The following DOCK4 variants were observed in gnomAD, a reference collection of about 807,000 sequenced individuals.
DOCK4 encodes the protein dedicator of cytokinesis 4, also known as dedicator of cytokinesis protein 4.
Under a neutral mutation model 268.1 loss-of-function variants are expected in DOCK4, and 97 were observed. The observed-to-expected ratio is 0.36, with a 90% CI of 0.31 to 0.43. The LOEUF (loss-of-function observed/expected upper bound fraction) is 0.43, where lower values mean the gene tolerates loss of function less well. Ranked by LOEUF, DOCK4 falls within the 20% of genes least tolerant of loss-of-function variation. The pLI, the probability that DOCK4 is intolerant of heterozygous loss-of-function variation, is 1.00. For synonymous variants in DOCK4, 954 were observed against 887.2 expected, an observed-to-expected ratio of 1.08 and a Z score of -1.34; for missense variants, 2,145 against 2,455.7, an observed-to-expected ratio of 0.87 and a Z score of 2.67.
intron 1 of DOCK4, among the ~76,000 whole-genome samples, chr7:112,018,178 A>AC (rs1802009908): frequency 3.5e-5 from 5 of 143,372 alleles, no homozygotes; most frequent in South Asian, 2.3e-4. Context: ...AAAAAAAAAA[A>AC]AACACAGGCA....
rs181378926 is a variant in DOCK4 at position 112,177,622 on chromosome 7, C to A, written c.37+28480G>T. On this transcript the variant is annotated intron_variant, in intron 1 of 52. Coordinates refer to ENST00000428084, the MANE Select transcript of DOCK4 (RefSeq NM_001363540.2). ...GAAACTGCCTCAACTGTGATAAGCA[C>A]ATTTTTTGGTTTCTGATAGCTAATC... Among the ~76,000 whole-genome samples, 110 of 152,278 alleles carry A rather than the reference C, an allele frequency of 7.2e-4. 1 individual carries two copies. Among genetic ancestry groups the A allele is most frequent in the Non-Finnish European group, 5.7e-4 (39 of 68,030 alleles).
intron 1 of DOCK4, among the ~76,000 whole-genome samples, chr7:112,201,651 G>C (rs1283071588): frequency 6.6e-6 from 1 of 152,108 alleles, no homozygotes; most frequent in African/African-American, 2.4e-5. Flanking sequence ...TTTAAGGCGG[G>C]GTGGGGAGGG....
At chr7:112,013,724 G>T (rs1404941478) in intron 1 of DOCK4, among the ~76,000 whole-genome samples, 2 of 152,240 alleles carry the variant, frequency 1.3e-5, no homozygotes, top group Non-Finnish European at 2.9e-5. Flanking sequence ...GCTTTTGCAA[G>T]TCACAGGGGT....
chr7:112,194,739 T>C (rs1333342445), intron 1 of DOCK4, among the ~76,000 whole-genome samples: 1 of 152,234 alleles, frequency 6.6e-6, no homozygotes, highest in Non-Finnish European at 1.5e-5. Context: ...ATAAGCCATC[T>C]CCTCAATTAT....
intron 47 of DOCK4, among the ~76,000 whole-genome samples, chr7:111,740,590 G>A (rs961274057): frequency 6.7e-6 from 1 of 150,324 alleles, no homozygotes; most frequent in African/African-American, 2.4e-5. Flanking sequence ...AAAATTAGTC[G>A]GGCGTGGTGG....
At chr7:111,812,169 G>A (rs1801184993) in intron 27 of DOCK4, among the ~76,000 whole-genome samples, 1 of 152,174 alleles carries the variant, frequency 6.6e-6, no homozygotes, top group Non-Finnish European at 1.5e-5. Flanking sequence ...ATACACGAAA[G>A]ATCTATGAAT....
chr7:112,122,563 G>A (rs1442277491), intron 1 of DOCK4, among the ~76,000 whole-genome samples: 3 of 152,030 alleles, frequency 2.0e-5, no homozygotes, highest in Non-Finnish European at 2.9e-5. Context: ...TAGCCACCAC[G>A]CCCAGCCAAG....
chr7:111,750,095 T>C (rs551011086), intron 42 of DOCK4, among the ~76,000 whole-genome samples: 13 of 152,308 alleles, frequency 8.5e-5, no homozygotes, highest in Non-Finnish European at 1.5e-4. Flanking sequence ...TAAGGAGTCA[T>C]TGGAGAAATA....
chr7:111,859,137 G>C (rs997725981), intron 23 of DOCK4, among the ~76,000 whole-genome samples: 1 of 152,110 alleles, frequency 6.6e-6, no homozygotes, highest in Non-Finnish European at 1.5e-5. Context: ...TCCCACCTCA[G>C]CCTGCTGAGT....
intron 1 of DOCK4, among the ~76,000 whole-genome samples, chr7:112,133,712 C>T (rs1814034236): frequency 6.6e-6 from 1 of 151,662 alleles, no homozygotes; most frequent in Non-Finnish European, 1.5e-5. Flanking sequence ...AAAGTGAGAC[C>T]CTGTCTCAAA....
At position 112,130,432 on chromosome 7, in the gene DOCK4, A is replaced by G. The variant is rs1813697096; in HGVS notation, c.37+75670T>C. Among the ~76,000 whole-genome samples, 3 of 152,182 alleles carry G rather than the reference A, an allele frequency of 2.0e-5. No individual in the cohort carries two copies. In the South Asian group the frequency reaches 6.2e-4, roughly 31 times the overall value. ...ACATTATATTTCTCTTCCTCACATG[A>G]ATGTCTTTTGCTAGTTAACATAAAC... is the stretch of plus-strand genomic sequence containing the variant. On this transcript the variant is annotated intron_variant, in intron 1 of 52. Transcript: ENST00000428084.
Position 111,944,793 on chromosome 7 carries a change from G to A in DOCK4, c.844+18C>T, listed in dbSNP as rs547453558. ...CTCTGTTCCTTGCCCCTACTGCACT[G>A]ACAAGTGTTATACCTACCGATTCGG... On this transcript the variant is annotated intron_variant, in intron 10 of 52. Transcript: ENST00000428084. 36 of 1,612,212 alleles carry A rather than the reference G, an allele frequency of 2.2e-5. 1 individual carries two copies. In the African/African-American group the frequency reaches 4.3e-4, roughly 19 times the overall value.
chr7:112,083,096 G>C (rs998361004), intron 1 of DOCK4, among the ~76,000 whole-genome samples: 1 of 151,944 alleles, frequency 6.6e-6, no homozygotes, highest in African/African-American at 2.4e-5. Flanking sequence ...TCTTTTCAGA[G>C]GGTTCACAAC....
chr7:112,099,297 T>TAAAA (rs34373613), intron 1 of DOCK4, among the ~76,000 whole-genome samples: 9 of 123,352 alleles, frequency 7.3e-5, no homozygotes, highest in African/African-American at 2.7e-4. Context: ...GTCTCGGATT[T>TAAAA]AAAAAAAAAA....
intron 12 of DOCK4, among the ~76,000 whole-genome samples, chr7:111,930,368 T>C (rs1586407115): frequency 6.6e-6 from 1 of 152,192 alleles, no homozygotes; most frequent in East Asian, 1.9e-4. Context: ...AATCCCTTTA[T>C]CTATTAACCA....
chr7:112,054,519 C>G (rs1265962376), intron 1 of DOCK4, among the ~76,000 whole-genome samples: 1 of 152,010 alleles, frequency 6.6e-6, no homozygotes, highest in East Asian at 1.9e-4. Flanking sequence ...ACTTAGAAAG[C>G]CCTAATGTTC....
At chr7:112,081,034 G>A (rs192292526) in intron 1 of DOCK4, among the ~76,000 whole-genome samples, 36 of 152,148 alleles carry the variant, frequency 2.4e-4, no homozygotes, top group African/African-American at 7.7e-4. Context: ...TAGAGGGTCC[G>A]CCAAGTAGCC....
At chr7:111,796,208 G>A (rs1799885924) in intron 30 of DOCK4, among the ~76,000 whole-genome samples, 1 of 152,194 alleles carries the variant, frequency 6.6e-6, no homozygotes, top group Non-Finnish European at 1.5e-5. Flanking sequence ...GAGTGTCAGT[G>A]TGAGTTCAAG....
chr7:112,091,657 A>T (rs544559174), intron 1 of DOCK4, among the ~76,000 whole-genome samples: 1 of 152,298 alleles, frequency 6.6e-6, no homozygotes, highest in South Asian at 2.1e-4. Flanking sequence ...AGAATTCAAG[A>T]TACCAGCCCT....
Sources: allele counts gnomAD v4.1 joint callset (sites outside exome capture counted in the v4.1 genomes callset), GRCh38; gene constraint gnomAD v4.1.1; transcripts MANE v1.5; gene names NCBI Gene and HGNC (gene_info 2026-07-23, HGNC 2026-07-21).